Variants in SLC1A2 observed in about 807,000 individuals in gnomAD.
The protein encoded by SLC1A2 is excitatory amino acid transporter 2.
SLC1A2 carries 15 observed loss-of-function variants against 48.8 expected under a neutral mutation model. That is an observed-to-expected ratio of 0.31 (90% CI 0.21 to 0.47). SLC1A2 has a LOEUF of 0.47. Ranked by LOEUF, SLC1A2 falls within the 20% of genes least tolerant of loss-of-function variation. SLC1A2 has a pLI of 0.99. For synonymous variants in SLC1A2, 279 were observed against 272.6 expected, an observed-to-expected ratio of 1.02 and a Z score of -0.23; for missense variants, 502 against 730.5, an observed-to-expected ratio of 0.69 and a Z score of 3.61.
chr11:35,334,572 T>A (rs1215759712), intron 1 of SLC1A2, among the ~76,000 whole-genome samples: 1 of 152,152 alleles, frequency 6.6e-6, no homozygotes, highest in Non-Finnish European at 1.5e-5. Flanking sequence ...GGCAGTGCTT[T>A]AAGAATCATT....
At chr11:35,359,008 C>T (rs762922558) in intron 1 of SLC1A2, among the ~76,000 whole-genome samples, 27 of 152,178 alleles carry the variant, frequency 1.8e-4, no homozygotes, top group African/African-American at 3.9e-4. Flanking sequence ...GCCAGACCTG[C>T]TAATTTTCCC....
intron 1 of SLC1A2, among the ~76,000 whole-genome samples, chr11:35,350,889 C>T (rs1853226130): frequency 6.6e-6 from 1 of 152,072 alleles, no homozygotes; most frequent in South Asian, 2.1e-4. Context: ...ATTCTTCTGA[C>T]TCCCCTAAAC....
At chr11:35,358,731 C>A (rs1209791612) in intron 1 of SLC1A2, among the ~76,000 whole-genome samples, 1 of 151,948 alleles carries the variant, frequency 6.6e-6, no homozygotes, top group African/African-American at 2.4e-5. Context: ...TCTGGTAAAC[C>A]CTAAAGCTGC....
At chr11:35,305,230 T>C (rs1851467944) in intron 5 of SLC1A2, among the ~76,000 whole-genome samples, 1 of 152,178 alleles carries the variant, frequency 6.6e-6, no homozygotes, top group South Asian at 2.1e-4. Context: ...CTGTCCCTCA[T>C]GGAGGTATTT....
chr11:35,269,260 T>G (rs772779599), intron 9 of SLC1A2, among the ~76,000 whole-genome samples: 19 of 152,314 alleles, frequency 1.2e-4, no homozygotes, highest in Admixed American at 2.0e-4. Context: ...TCCACAGAAC[T>G]GTAAGAAATA....
At chr11:35,365,989 G>A (rs542380930) in intron 1 of SLC1A2, among the ~76,000 whole-genome samples, 2 of 152,296 alleles carry the variant, frequency 1.3e-5, no homozygotes, top group South Asian at 2.1e-4. Flanking sequence ...ATGCTATAAT[G>A]CATAAAACAG....
chr11:35,349,180 G>A (rs1027786600), intron 1 of SLC1A2, among the ~76,000 whole-genome samples: 19 of 152,162 alleles, frequency 1.2e-4, no homozygotes, highest in Admixed American at 2.6e-4. Flanking sequence ...GCGGGAGCCC[G>A]GGCAGGGGCG....
chr11:35,361,653 T>G (rs868557453), intron 1 of SLC1A2, among the ~76,000 whole-genome samples: 15 of 151,812 alleles, frequency 9.9e-5, no homozygotes, highest in Admixed American at 5.2e-4. Flanking sequence ...AGCCACAGAG[T>G]TGGATTTAGT....
chr11:35,322,501 C>G (rs2134936528), intron 1 of SLC1A2: 3 of 1,064,560 alleles, frequency 2.8e-6, no homozygotes. Flanking sequence ...CCCAGGGAGC[C>G]TAAAAGCAAC....
intron 1 of SLC1A2, among the ~76,000 whole-genome samples, chr11:35,365,713 T>C (rs1853820808): frequency 6.6e-6 from 1 of 152,186 alleles, no homozygotes; most frequent in Admixed American, 6.5e-5. Context: ...TTACCCAGGG[T>C]GGACTGGCCA....
chr11:35,280,706 T>C, intron 9 of SLC1A2, 161 bp downstream of exon 9: 1 of 532,990 alleles, frequency 1.9e-6, no homozygotes, highest in South Asian at 3.5e-5. Flanking sequence ...TCTTCTTTGG[T>C]TCTCAAATAG....
intron 1 of SLC1A2, among the ~76,000 whole-genome samples, chr11:35,395,740 T>C (rs1033160477): frequency 2.0e-5 from 3 of 148,616 alleles, no homozygotes; most frequent in Non-Finnish European, 3.0e-5. Context: ...GTTAGTTACA[T>C]ATGTATACAT....
intron 4 of SLC1A2, among the ~76,000 whole-genome samples, chr11:35,309,166 C>T (rs1261726558): frequency 6.6e-6 from 1 of 152,188 alleles, no homozygotes; most frequent in East Asian, 1.9e-4. Context: ...CATCCTGCCT[C>T]TAGCCCTCAG....
At chr11:35,317,663 C>A in intron 1 of SLC1A2, 147 bp from the exon 2 acceptor site, 1 of 932,634 alleles carries the variant, frequency 1.1e-6, no homozygotes, top group Non-Finnish European at 1.6e-6. Flanking sequence ...TCAGGGTCAC[C>A]TATAAGCAGG....
intron 1 of SLC1A2, among the ~76,000 whole-genome samples, chr11:35,338,187 C>T (rs967086557): frequency 5.5e-5 from 8 of 144,788 alleles, no homozygotes; most frequent in Middle Eastern, 3.4e-3. Context: ...CTATTGTCTA[C>T]GGTTACTTTT....
intron 4 of SLC1A2, among the ~76,000 whole-genome samples, chr11:35,310,643 T>C (rs529246687): frequency 6.6e-6 from 1 of 152,358 alleles, no homozygotes; most frequent in South Asian, 2.1e-4. Flanking sequence ...CTCATTCTTC[T>C]GTGCTTGGAA....
chr11:35,325,751 T>C (rs1233788714), intron 1 of SLC1A2, among the ~76,000 whole-genome samples: 1 of 151,642 alleles, frequency 6.6e-6, no homozygotes, highest in Non-Finnish European at 1.5e-5. Flanking sequence ...TTGCCTGAGG[T>C]CAGGAGTTTC....
At chr11:35,398,691 T>C (rs1855047872) in intron 1 of SLC1A2, among the ~76,000 whole-genome samples, 1 of 152,210 alleles carries the variant, frequency 6.6e-6, no homozygotes. Context: ...AAAATATATA[T>C]GGCCTGAGTT....
At chr11:35,345,586 C>T (rs764064036) in intron 1 of SLC1A2, among the ~76,000 whole-genome samples, 7 of 152,042 alleles carry the variant, frequency 4.6e-5, no homozygotes, top group Admixed American at 6.6e-5. Context: ...AGGCAGAAGA[C>T]GGGGAGCTGA....
Sources: allele counts gnomAD v4.1 joint callset (sites outside exome capture counted in the v4.1 genomes callset), GRCh38; gene constraint gnomAD v4.1.1; transcripts MANE v1.5; gene names NCBI Gene and HGNC (gene_info 2026-07-23, HGNC 2026-07-21).